Variants in TPST1 observed in about 807,000 individuals in gnomAD.
TPST1 encodes the protein tyrosylprotein sulfotransferase 1, also known as protein-tyrosine sulfotransferase 1.
A neutral mutation model predicts 34.8 loss-of-function variants in TPST1; 20 were observed. The ratio of observed to expected loss-of-function variants is 0.57; its 90% CI spans 0.40 to 0.84. TPST1 has a LOEUF of 0.84. TPST1 is among the 40% of genes least tolerant of loss of function. The pLI, the probability that TPST1 is intolerant of heterozygous loss-of-function variation, is 0.00. For missense variants in TPST1, 353 were observed against 455.5 expected, an observed-to-expected ratio of 0.78 and a Z score of 2.05; for synonymous variants, 152 against 159.4, an observed-to-expected ratio of 0.95 and a Z score of 0.35.
At chr7:66,253,697 C>T (rs1395015859) in intron 2 of TPST1, among the ~76,000 whole-genome samples, 3 of 151,250 alleles carry the variant, frequency 2.0e-5, no homozygotes, top group Non-Finnish European at 4.4e-5. Flanking sequence ...CTTAGTCTAT[C>T]CTAATGCCAT....
chr7:66,319,178 G>C (rs574991189), intron 3 of TPST1, among the ~76,000 whole-genome samples: 1 of 151,472 alleles, frequency 6.6e-6, no homozygotes, highest in East Asian at 1.9e-4. Context: ...TCTCCATTTT[G>C]TCCTTTGAAC....
At chr7:66,227,740 T>C (rs2116326259) in intron 1 of TPST1, among the ~76,000 whole-genome samples, 1 of 151,868 alleles carries the variant, frequency 6.6e-6, no homozygotes, top group South Asian at 2.1e-4. Flanking sequence ...TTTTTTTTTT[T>C]TTCTCAGATT....
At chr7:66,227,028 CTTTTT>C (rs546339747) in intron 1 of TPST1, among the ~76,000 whole-genome samples, 8 of 69,202 alleles carry the variant, frequency 1.2e-4, no homozygotes, top group South Asian at 5.6e-4. Context: ...TTAAAATAAG[CTTTTT>C]TTTTTTTTTT....
intron 1 of TPST1, among the ~76,000 whole-genome samples, chr7:66,208,434 T>C (rs2116200649): frequency 6.6e-6 from 1 of 152,260 alleles, no homozygotes. Flanking sequence ...CAGCACCCTG[T>C]ACATACTTCC....
At chr7:66,281,044 C>G (rs1790923543) in intron 2 of TPST1, among the ~76,000 whole-genome samples, 1 of 152,044 alleles carries the variant, frequency 6.6e-6, no homozygotes, top group Admixed American at 6.6e-5. Flanking sequence ...TGAAGGGATG[C>G]TGAATTTTAT....
chr7:66,317,910 T>A (rs1370618808), intron 3 of TPST1, among the ~76,000 whole-genome samples: 1 of 152,130 alleles, frequency 6.6e-6, no homozygotes, highest in Non-Finnish European at 1.5e-5. Flanking sequence ...TGTAATCCCA[T>A]CACTTTGGGA....
At chr7:66,295,520 A>G (rs1791175127) in intron 3 of TPST1, among the ~76,000 whole-genome samples, 1 of 152,162 alleles carries the variant, frequency 6.6e-6, no homozygotes, top group Non-Finnish European at 1.5e-5. Context: ...AAAAACAAAC[A>G]AACAAAAAAC....
At chr7:66,224,902 T>TTTTC in intron 1 of TPST1, among the ~76,000 whole-genome samples, 6 of 19,814 alleles carry the variant, frequency 3.0e-4, no homozygotes, top group Non-Finnish European at 6.7e-4. Flanking sequence ...TCTGGTATTC[T>TTTTC]TTTTTTTTTT....
At chr7:66,286,827 T>TTCATTTA (rs1791050300) in intron 3 of TPST1, 118 bp downstream of exon 3, 1 of 638,620 alleles carries the variant, frequency 1.6e-6, no homozygotes, top group South Asian at 7.8e-5. Context: ...ATTTTTTTTT[T>TTCATTTA]TTTTCATTTA....
chr7:66,341,233 T>C (rs1584254078), intron 3 of TPST1, among the ~76,000 whole-genome samples: 1 of 152,312 alleles, frequency 6.6e-6, no homozygotes, highest in Non-Finnish European at 1.5e-5. Flanking sequence ...CATGGTTCTA[T>C]ATATATGTGC....
intron 2 of TPST1, among the ~76,000 whole-genome samples, chr7:66,258,975 A>G (rs1283123764): frequency 6.6e-6 from 1 of 152,126 alleles, no homozygotes; most frequent in African/African-American, 2.4e-5. Flanking sequence ...TGGGTTGGCA[A>G]TAATTTTCTC....
intron 3 of TPST1, among the ~76,000 whole-genome samples, chr7:66,308,870 A>G (rs1440433748): frequency 6.6e-6 from 1 of 152,050 alleles, no homozygotes; most frequent in Admixed American, 6.6e-5. Context: ...TATTAAATAC[A>G]CCCCAGTATT....
At chr7:66,308,924 G>A (rs1039954981) in intron 3 of TPST1, among the ~76,000 whole-genome samples, 7 of 152,158 alleles carry the variant, frequency 4.6e-5, no homozygotes, top group Admixed American at 1.3e-4. Flanking sequence ...TTGAGACTGA[G>A]TTTTGCTCCT....
intron 2 of TPST1, among the ~76,000 whole-genome samples, chr7:66,263,991 G>A (rs570230399): frequency 6.6e-6 from 1 of 152,294 alleles, no homozygotes; most frequent in Admixed American, 6.5e-5. Flanking sequence ...CCTGTTCCAT[G>A]TGTCAGCTGG....
rs572528879 is a variant in TPST1, at chr7:66,359,887, C to G, written c.*30-8C>G. 8.8e-6 allele frequency: 4 copies of G among 456,574 alleles called. No homozygotes were observed. The highest frequency in any genetic ancestry group is 8.0e-5 in the African/African-American group (4 of 50,096). 28.3% of individuals were successfully genotyped at this position (456,574 alleles called of 1,614,324 possible). A position where few individuals can be genotyped will look rare whatever the true frequency, so the allele number is the denominator to read the frequency against. Reference sequence around the variant, plus strand: ...CACCTGTAACCACATTCTGTTTGTTCGCCCTAGGAAAGATTGCTGCCTTTT... The same window carrying G: ...CACCTGTAACCACATTCTGTTTGTTGGCCCTAGGAAAGATTGCTGCCTTTT... On this transcript the variant is annotated splice_region_variant and splice_polypyrimidine_tract_variant and intron_variant, in intron 5 of 5. Coordinates refer to ENST00000304842, the MANE Select transcript of TPST1 (RefSeq NM_003596.4).
At chr7:66,229,753 G>A (rs544297067) in intron 1 of TPST1, among the ~76,000 whole-genome samples, 20 of 152,294 alleles carry the variant, frequency 1.3e-4, no homozygotes, top group South Asian at 6.2e-4. Context: ...GTAGCAAAAT[G>A]TGGGAGTTCC....
At chr7:66,199,574 G>A in the TPST1 span, among the ~76,000 whole-genome samples, 248 of 151,314 alleles carry the variant, frequency 1.6e-3, 2 homozygotes, top group Admixed American at 5.9e-3. Context: ...GATTACAGTC[G>A]TGAGCCACTG....
chr7:66,333,824 A>C (rs1459906524), intron 3 of TPST1, among the ~76,000 whole-genome samples: 1 of 152,170 alleles, frequency 6.6e-6, no homozygotes, highest in Non-Finnish European at 1.5e-5. Context: ...TATTTCCTTA[A>C]AACTAGTACT....
intron 3 of TPST1, among the ~76,000 whole-genome samples, chr7:66,329,748 ATG>A (rs1296806384): frequency 6.6e-6 from 1 of 152,238 alleles, no homozygotes; most frequent in Non-Finnish European, 1.5e-5. Context: ...CATATACACC[ATG>A]AAATATTGCA....
Sources: gnomAD v4.1 joint callset for allele counts (sites outside exome capture counted in the v4.1 genomes callset) on GRCh38, gnomAD v4.1.1 for gene constraint, MANE v1.5 for transcripts, NCBI Gene and HGNC (gene_info 2026-07-23, HGNC 2026-07-21) for gene names.